The following STAG1 variants were observed in gnomAD, a reference collection of about 807,000 sequenced individuals.
STAG1 encodes the protein STAG1 cohesin complex component, also known as cohesin subunit SA-1.
Under a neutral mutation model 170.9 loss-of-function variants are expected in STAG1, and 26 were observed. The observed-to-expected ratio is 0.15, with a 90% CI of 0.11 to 0.21. The LOEUF is 0.21. STAG1 is among the 10% of genes least tolerant of loss of function. The pLI, the probability that STAG1 is intolerant of heterozygous loss-of-function variation, is 1.00. For synonymous variants in STAG1, 514 were observed against 497.7 expected (o/e 1.03, Z -0.44); for missense variants, 964 against 1,509.5 (o/e 0.64, Z 5.99).
intron 1 of STAG1, among the ~76,000 whole-genome samples, chr3:136,728,134 G>T (rs763863821): frequency 2.0e-5 from 3 of 151,774 alleles, no homozygotes; most frequent in African/African-American, 4.8e-5. Context: ...CTCCAGCCTG[G>T]GCAACAAGTG....
intron 1 of STAG1, among the ~76,000 whole-genome samples, chr3:136,715,003 A>T (rs1458766897): frequency 1.8e-5 from 2 of 111,814 alleles, no homozygotes; most frequent in Non-Finnish European, 4.1e-5. Context: ...TTATATATAT[A>T]ATATATATAT....
Position 136,568,856 on chromosome 3 carries a change from C to T in STAG1, c.303G>A (p.Val101=), listed in dbSNP as rs747382103. The T allele has an allele frequency of 6.3e-7, 1 of 1,598,240 alleles. No individual in the cohort carries two copies. The highest frequency in any genetic ancestry group is 1.3e-5 in the African/African-American group (1 of 74,214). Residue 101 remains valine (V), a synonymous_variant, in exon 5 of 34, where the codon GTG becomes GTA. Coordinates refer to ENST00000383202, the MANE Select transcript of STAG1 (RefSeq NM_005862.3). ...VKLGKSAMQS[V]VDDWIESYKQ... ...TATATGATTCAATCCAGTCATCCAC[C>T]ACGGACTGTGGAAAAAAAATATAAA...
intron 7 of STAG1, among the ~76,000 whole-genome samples, chr3:136,518,839 T>C (rs770987232): frequency 6.6e-5 from 10 of 152,144 alleles, no homozygotes; most frequent in Non-Finnish European, 1.2e-4. Flanking sequence ...GAAAACAAAA[T>C]CACATTCATC....
In STAG1 at chr3:136,363,448, T is replaced by A; in HGVS notation, c.2705A>T (p.Asp902Val). ...TTTACTCAGTGTTTCCTTAATAATA[T>A]CACCATAGTCATTGTAATACTGTGA... ...HYMKYYNDYG[D>V]IIKETLSKTR... The change falls in exon 26 of 34, where the codon GAT becomes GTT. Residue 902 changes from aspartate to valine, a missense_variant. By Grantham distance (152) the Asp-to-Val change is radical (BLOSUM62 -3). Transcript: ENST00000383202. 6.4e-7 allele frequency: 1 copy of A among 1,558,990 alleles called. No individual in the cohort carries two copies. The highest frequency in any genetic ancestry group is 8.8e-7 in the Non-Finnish European group (1 of 1,135,404).
intron 29 of STAG1, among the ~76,000 whole-genome samples, chr3:136,346,333 G>C (rs1936220297): frequency 6.6e-6 from 1 of 152,162 alleles, no homozygotes; most frequent in Non-Finnish European, 1.5e-5. Flanking sequence ...AATAGAAATA[G>C]ATACTTCTAA....
At chr3:136,570,428 T>C (rs1461632301) in intron 4 of STAG1, among the ~76,000 whole-genome samples, 1 of 152,214 alleles carries the variant, frequency 6.6e-6, no homozygotes, top group Non-Finnish European at 1.5e-5. Context: ...CCACAATCTA[T>C]CACCCATTTT....
chr3:136,673,339 C>A (rs1046621332), intron 1 of STAG1, among the ~76,000 whole-genome samples: 9 of 152,114 alleles, frequency 5.9e-5, no homozygotes, highest in African/African-American at 2.2e-4. Flanking sequence ...ACCTTAAAAT[C>A]TCTTCACTGT....
chr3:136,381,299 C>T (rs1292781199), intron 22 of STAG1, among the ~76,000 whole-genome samples: 1 of 151,624 alleles, frequency 6.6e-6, no homozygotes, highest in African/African-American at 2.4e-5. Context: ...TGGGAAATAC[C>T]AATATTTGAA....
intron 1 of STAG1, among the ~76,000 whole-genome samples, chr3:136,707,004 A>G (rs1943245262): frequency 1.3e-5 from 2 of 152,224 alleles, no homozygotes; most frequent in Non-Finnish European, 2.9e-5. Context: ...ACCCACAAGC[A>G]AAAGAATGAA....
At chr3:136,438,249 T>TC (rs2088515469) in intron 15 of STAG1, among the ~76,000 whole-genome samples, 1 of 149,712 alleles carries the variant, frequency 6.7e-6, no homozygotes, top group South Asian at 2.1e-4. Context: ...TCTTTTTTTT[T>TC]TTTTTTTTGA....
intron 21 of STAG1, among the ~76,000 whole-genome samples, chr3:136,411,709 G>C (rs1437568162): frequency 1.3e-5 from 2 of 152,144 alleles, no homozygotes; most frequent in African/African-American, 4.8e-5. Flanking sequence ...CCAGCACTTT[G>C]GGAGGCCAAG....
chr3:136,418,267 G>A (rs905722353), intron 20 of STAG1, among the ~76,000 whole-genome samples: 1 of 145,864 alleles, frequency 6.9e-6, no homozygotes. Flanking sequence ...GGCTGAGGCA[G>A]GAGAATCACT....
At chr3:136,378,963 A>G (rs1285709287) in intron 22 of STAG1, among the ~76,000 whole-genome samples, 1 of 152,228 alleles carries the variant, frequency 6.6e-6, no homozygotes, top group East Asian at 1.9e-4. Flanking sequence ...TTTTATACAG[A>G]TGACAGCACT....
At chr3:136,724,058 A>C (rs1933506338) in intron 1 of STAG1, among the ~76,000 whole-genome samples, 3 of 150,022 alleles carry the variant, frequency 2.0e-5, no homozygotes, top group Admixed American at 2.0e-4. Context: ...CCTACTGGGA[A>C]GTGAGGAGCC....
At chr3:136,363,267 C>A in intron 26 of STAG1, 99 bp downstream of exon 26, 1 of 610,788 alleles carries the variant, frequency 1.6e-6, no homozygotes, top group Non-Finnish European at 2.9e-6. Context: ...TATAAAATGA[C>A]CTAGTTTAAA....
At position 136,511,776 on chromosome 3, in the gene STAG1, CA is replaced by C. The variant is rs1356090397; in HGVS notation, c.677-8998del. ...TAAGCTTTCCTATATAACAAACCTG[CA>C]CATGTACCCCTGAACGTCAAATAAA... On this transcript the variant is annotated intron_variant, in intron 7 of 33. Transcript: ENST00000383202. 3.9e-5 allele frequency among the ~76,000 whole-genome samples: 6 copies of C among 152,282 alleles called. No homozygotes were observed. In the East Asian group the frequency reaches 1.2e-3, roughly 29 times the overall value.
chr3:136,565,007 A>AGGC (rs1184339001), intron 5 of STAG1, among the ~76,000 whole-genome samples: 94 of 54,230 alleles, frequency 1.7e-3, no homozygotes, highest in Non-Finnish European at 2.5e-3. Flanking sequence ...GGAAGGAAGG[A>AGGC]AGGAAGGCAG....
chr3:136,400,002 AG>A lies in STAG1; in HGVS notation c.2197-1174del, dbSNP rs1370961247. 3.9e-5 allele frequency among the ~76,000 whole-genome samples: 6 copies of A among 152,044 alleles called. No individual in the cohort carries two copies. In the East Asian group the frequency reaches 1.2e-3, roughly 29 times the overall value. The stretch of plus-strand genomic sequence containing the variant: ...CAGTGGTGTGATCACGGCTCACTGC[AG>A]CCTCAGCCTCCCTGGCTCAGGTGGT... On this transcript the variant is annotated intron_variant, in intron 21 of 33. Transcript: ENST00000383202.
At position 136,604,466 on chromosome 3, in the gene STAG1, T is replaced by C. The variant is rs768339073; in HGVS notation, c.140A>G (p.Asn47Ser). ...ACCTGGAGATTTTCGAGGTTTCTTA[T>C]TTGTAGACTGAAAAAAAGATAAAAA... is the stretch of plus-strand genomic sequence containing the variant. Reference protein sequence around the residue: ...RGRPGRPPSTNKKPRKSPGEK... With the variant: ...RGRPGRPPSTSKKPRKSPGEK... Residue 47 changes from asparagine to serine, a missense_variant, in exon 4 of 34, where the codon AAT becomes AGT. Coordinates refer to ENST00000383202, the MANE Select transcript of STAG1 (RefSeq NM_005862.3). 6.3e-6 allele frequency: 10 copies of C among 1,589,356 alleles called. No homozygotes were observed. In the Admixed American group the frequency reaches 1.5e-4, roughly 24 times the overall value.
Sources: gnomAD v4.1 joint callset for allele counts (sites outside exome capture counted in the v4.1 genomes callset) on GRCh38, gnomAD v4.1.1 for gene constraint, MANE v1.5 for transcripts, NCBI Gene and HGNC (gene_info 2026-07-23, HGNC 2026-07-21) for gene names.